XIRP2: variants seen among roughly 807,000 people sequenced by gnomAD.
XIRP2 encodes xin actin-binding repeat-containing protein 2.
Under a neutral mutation model 277.0 loss-of-function variants are expected in XIRP2, and 236 were observed. The observed-to-expected ratio is 0.85, with a 90% CI of 0.77 to 0.95. XIRP2 has a LOEUF of 0.95. XIRP2 is among the 40% of genes least tolerant of loss of function. The probability of loss-of-function intolerance (pLI) is 0.00; values close to 1 mark genes in which losing one functional copy is unlikely to be tolerated. For missense variants in XIRP2, 4,640 were observed against 4,157.5 expected (o/e 1.12, Z -3.19); for synonymous variants, 1,490 against 1,416.5 (o/e 1.05, Z -1.17).
intron 2 of XIRP2, chr2:167,124,195 G>T (rs895082042): frequency 5.3e-5 from 8 of 152,082 alleles, no homozygotes; most frequent in Non-Finnish European, 1.2e-4. Flanking sequence ...TAGAAAAAAA[G>T]TCTCCTTGCT....
intron 3 of XIRP2, among the ~76,000 whole-genome samples, chr2:167,180,098 C>T (rs896312211): frequency 6.6e-6 from 1 of 152,196 alleles, no homozygotes; most frequent in Non-Finnish European, 1.5e-5. Context: ...TCCACTGTTT[C>T]ATAGTGCGTA....
At chr2:167,122,537 T>G (rs1333428777) in intron 2 of XIRP2, among the ~76,000 whole-genome samples, 1 of 152,114 alleles carries the variant, frequency 6.6e-6, no homozygotes, top group African/African-American at 2.4e-5. Context: ...GTAGCAGTGT[T>G]CACTTGGATG....
At chr2:167,082,664 T>A (rs1437557407) in intron 2 of XIRP2, among the ~76,000 whole-genome samples, 5 of 152,252 alleles carry the variant, frequency 3.3e-5, no homozygotes, top group South Asian at 4.1e-4. Flanking sequence ...GGTATCTCAT[T>A]GTGGTTTTGA....
chr2:167,258,024 A>G lies in XIRP2; in HGVS notation c.*207A>G. 6.2e-7 allele frequency: 1 copy of G among 1,613,226 alleles called. No individual in the cohort carries two copies. Among genetic ancestry groups the G allele is most frequent in the Non-Finnish European group, 8.5e-7 (1 of 1,179,532 alleles). ...TCAGTGGACTTTATTCCTAATGAAG[A>G]ACCAAATATGTGTAAAAATATTGCA... On this transcript the variant is annotated 3_prime_UTR_variant, in exon 11 of 11. Transcript: ENST00000409195.
rs1383371508 is a variant in XIRP2 at position 167,248,709 on chromosome 2, T to C, written c.7317T>C (p.Asp2439=). The C allele has an allele frequency of 6.2e-7, 1 of 1,613,558 alleles. No individual in the cohort carries two copies. Among genetic ancestry groups the C allele is most frequent in the South Asian group, 1.1e-5 (1 of 91,070 alleles). ...LPKHIKDNKN[D]FSPKVELATS... is the part of the protein sequence containing the mutation. ...AGCATATAAAAGATAATAAGAACGA[T>C]TTTTCCCCCAAAGTTGAACTGGCAA... Residue 2439 remains aspartate, a synonymous_variant, in exon 9 of 11, where the codon GAT becomes GAC. Transcript: ENST00000409195.
chr2:167,088,613 C>G (rs759744319), intron 2 of XIRP2, among the ~76,000 whole-genome samples: 9 of 152,188 alleles, frequency 5.9e-5, no homozygotes, highest in Admixed American at 3.3e-4. Flanking sequence ...CCATAACATT[C>G]TACAATCACA....
rs773106464 is a variant in XIRP2, at chr2:167,243,639, C to G, written c.2247C>G (p.Gly749=). ...TATATGTTATTAGAGATGGTTCGGG[C>G]CAAATGCTGGAAATTAAAACTGTTC... The part of the protein sequence containing the change: ...QPLYVIRDGS[G]QMLEIKTVHR... The change falls in exon 9 of 11, where the codon GGC becomes GGG. Residue 749 remains glycine, a synonymous_variant. Coordinates refer to ENST00000409195, the MANE Select transcript of XIRP2 (RefSeq NM_152381.6). 6 of 1,613,602 alleles carry G rather than the reference C, an allele frequency of 3.7e-6. No homozygotes were observed. In the South Asian group the frequency reaches 6.6e-5, roughly 18 times the overall value.
At chr2:167,176,325 G>A (rs1010428486) in intron 3 of XIRP2, among the ~76,000 whole-genome samples, 1 of 152,136 alleles carries the variant, frequency 6.6e-6, no homozygotes, top group Admixed American at 6.5e-5. Flanking sequence ...CCCTCCGTGG[G>A]CTGCACCCAC....
At chr2:167,097,064 C>T (rs1007077557) in intron 2 of XIRP2, among the ~76,000 whole-genome samples, 2 of 152,150 alleles carry the variant, frequency 1.3e-5, no homozygotes, top group African/African-American at 4.8e-5. Context: ...ATTAGGTTCA[C>T]TAGGTCCAGA....
intron 2 of XIRP2, among the ~76,000 whole-genome samples, chr2:167,064,713 T>C (rs918417291): frequency 3.3e-5 from 5 of 151,876 alleles, no homozygotes; most frequent in African/African-American, 1.2e-4. Context: ...TCCTATGAAT[T>C]TGATTGTCCA....
At chr2:167,153,947 T>C (rs1387417944) in intron 3 of XIRP2, among the ~76,000 whole-genome samples, 2 of 151,566 alleles carry the variant, frequency 1.3e-5, no homozygotes, top group African/African-American at 4.9e-5. Context: ...CTGGGTCAAA[T>C]GGTATTTCTA....
intron 2 of XIRP2, among the ~76,000 whole-genome samples, chr2:166,909,337 T>C (rs1684632396): frequency 6.6e-6 from 1 of 152,224 alleles, no homozygotes; most frequent in Non-Finnish European, 1.5e-5. Flanking sequence ...TTCACATCCC[T>C]TGTAAGTTGG....
chr2:167,079,553 T>G (rs767266722), intron 2 of XIRP2, among the ~76,000 whole-genome samples: 18 of 152,178 alleles, frequency 1.2e-4, no homozygotes, highest in Non-Finnish European at 2.1e-4. Flanking sequence ...AATTTCTTCC[T>G]GACTCAGTCA....
chr2:167,166,617 A>G (rs1338325897), intron 3 of XIRP2, among the ~76,000 whole-genome samples: 3 of 152,184 alleles, frequency 2.0e-5, no homozygotes, highest in African/African-American at 4.8e-5. Context: ...GGCAGAAGGC[A>G]AAGAGGGATC....
Position 167,243,230 on chromosome 2 carries a change from A to G in XIRP2, c.1838A>G (p.Asp613Gly), listed in dbSNP as rs780342294. ...IADQEIIAGG[D>G]VKYTTWMFET... ...GATCAAGAAATCATTGCTGGTGGTGATGTGAAATATACCACATGGATGTTT... is the reference window on the plus strand; with the variant it reads ...GATCAAGAAATCATTGCTGGTGGTGGTGTGAAATATACCACATGGATGTTT... Residue 613 changes from aspartate (D) to glycine (G), a missense_variant, in exon 9 of 11, where the codon GAT becomes GGT. Coordinates refer to ENST00000409195, the MANE Select transcript of XIRP2 (RefSeq NM_152381.6). 1 of 1,614,078 alleles carries G rather than the reference A, an allele frequency of 6.2e-7. No homozygotes were observed. The highest frequency in any genetic ancestry group is 8.5e-7 in the Non-Finnish European group (1 of 1,179,972).
At chr2:167,098,682 T>G (rs913832810) in intron 2 of XIRP2, among the ~76,000 whole-genome samples, 1 of 152,250 alleles carries the variant, frequency 6.6e-6, no homozygotes, top group Non-Finnish European at 1.5e-5. Context: ...CATGGATTTA[T>G]GTACCTTTGC....
intron 3 of XIRP2, among the ~76,000 whole-genome samples, chr2:167,197,888 G>A (rs1348907521): frequency 1.3e-5 from 2 of 152,134 alleles, no homozygotes; most frequent in Non-Finnish European, 1.5e-5. Context: ...CATCACTGAT[G>A]TATCTGTCTT....
chr2:167,087,211 G>T (rs1285687585), intron 2 of XIRP2, among the ~76,000 whole-genome samples: 1 of 152,204 alleles, frequency 6.6e-6, no homozygotes, highest in Non-Finnish European at 1.5e-5. Flanking sequence ...CGTGTGAGGT[G>T]TCAGTGTACC....
chr2:167,152,021 C>T (rs1692030866), intron 3 of XIRP2, among the ~76,000 whole-genome samples: 1 of 152,020 alleles, frequency 6.6e-6, no homozygotes, highest in African/African-American at 2.4e-5. Context: ...GACTCAACTT[C>T]AATAATTCTT....
Sources: allele counts gnomAD v4.1 joint callset (sites outside exome capture counted in the v4.1 genomes callset), GRCh38; gene constraint gnomAD v4.1.1; transcripts MANE v1.5; gene names NCBI Gene and HGNC (gene_info 2026-07-23, HGNC 2026-07-21).